MMP26: variants seen among roughly 807,000 people sequenced by gnomAD.
MMP26 encodes matrix metalloproteinase-26.
Under a neutral mutation model 31.0 loss-of-function variants are expected in MMP26, and 33 were observed. That is an observed-to-expected ratio of 1.06 (90% confidence interval 0.81 to 1.42). The LOEUF (loss-of-function observed/expected upper bound fraction) is 1.42, where lower values mean the gene tolerates loss of function less well. Among genes scored for constraint, MMP26 ranks in the 40% most tolerant of loss-of-function variants. MMP26 has a pLI of 0.00. For synonymous variants in MMP26, 122 were observed against 114.9 expected (o/e 1.06, Z -0.40); for missense variants, 347 against 316.1 (o/e 1.10, Z -0.74).
chr11:4,746,870 C>CAT (rs1848388868), intron 1 of MMP26, among the ~76,000 whole-genome samples: 2 of 149,364 alleles, frequency 1.3e-5, no homozygotes, highest in Admixed American at 1.3e-4. Context: ...CACACACACA[C>CAT]ACACACAAAG....
intron 2 of MMP26, among the ~76,000 whole-genome samples, chr11:4,893,812 G>A (rs1287696121): frequency 6.6e-6 from 1 of 151,876 alleles, no homozygotes. Context: ...AGATCTTGTT[G>A]GCACAATGGC....
chr11:4,903,547 T>C (rs536168607), intron 2 of MMP26, among the ~76,000 whole-genome samples: 3 of 152,246 alleles, frequency 2.0e-5, no homozygotes, highest in South Asian at 4.1e-4. Flanking sequence ...CTTCTTCAAC[T>C]TCAAATGTTT....
chr11:4,991,257 C>G, intron 5 of MMP26, 114 bp from the exon 6 acceptor site: 1 of 1,296,496 alleles, frequency 7.7e-7, no homozygotes, highest in Non-Finnish European at 1.0e-6. Context: ...CTCTCACATC[C>G]CCCAGTGGTA....
chr11:4,888,295 T>G (rs569160149), intron 2 of MMP26, among the ~76,000 whole-genome samples: 1 of 152,218 alleles, frequency 6.6e-6, no homozygotes, highest in South Asian at 2.1e-4. Context: ...AGAAAAAATT[T>G]GAGGTAACCA....
chr11:4,710,452 G>C (rs1466593925), intron 1 of MMP26: 1 of 452,570 alleles, frequency 2.2e-6, no homozygotes, highest in East Asian at 7.0e-5. Context: ...ATAATCTACA[G>C]TGTAAAGACC....
chr11:4,949,968 T>C (rs1350133686), intron 2 of MMP26, among the ~76,000 whole-genome samples: 1 of 123,472 alleles, frequency 8.1e-6, no homozygotes, highest in African/African-American at 2.7e-5. Flanking sequence ...TACATTTCAA[T>C]CTTTATGGTA....
At chr11:4,896,964 C>T (rs1017310415) in intron 2 of MMP26, among the ~76,000 whole-genome samples, 2 of 152,024 alleles carry the variant, frequency 1.3e-5, no homozygotes, top group South Asian at 2.1e-4. Context: ...TCTTTTTCCC[C>T]GGTAGTATGT....
intron 1 of MMP26, among the ~76,000 whole-genome samples, chr11:4,732,229 C>T (rs564941309): frequency 6.6e-6 from 1 of 152,230 alleles, no homozygotes; most frequent in African/African-American, 2.4e-5. Context: ...AATGTTATTT[C>T]ATCTTTTGTT....
intron 2 of MMP26, among the ~76,000 whole-genome samples, chr11:4,809,390 T>A (rs10836694): frequency 6.6e-6 from 1 of 151,998 alleles, no homozygotes; most frequent in Non-Finnish European, 1.5e-5. Flanking sequence ...TCACACTGAG[T>A]GGAGCTCAGT....
chr11:4,791,092 T>G (rs1849020381), intron 2 of MMP26, among the ~76,000 whole-genome samples: 1 of 152,230 alleles, frequency 6.6e-6, no homozygotes, highest in Non-Finnish European at 1.5e-5. Flanking sequence ...GAGCACCTAC[T>G]GTGTGCCAAG....
At chr11:4,915,888 G>A in intron 2 of MMP26, 1 of 496,648 alleles carries the variant, frequency 2.0e-6, no homozygotes. Context: ...GCAAAGACAT[G>A]GAATTGTGAA....
intron 2 of MMP26, chr11:4,881,739 C>G (rs190168320): frequency 1.5e-6 from 1 of 672,618 alleles, no homozygotes; most frequent in Non-Finnish European, 2.5e-6. Context: ...CCTAGATATA[C>G]TATTTAACCT....
At chr11:4,733,959 C>A (rs1453188726) in intron 1 of MMP26, among the ~76,000 whole-genome samples, 1 of 152,130 alleles carries the variant, frequency 6.6e-6, no homozygotes, top group Admixed American at 6.6e-5. Flanking sequence ...TTATCCTATT[C>A]ATTGTTCTAC....
At chr11:4,804,246 A>G (rs769043887) in intron 2 of MMP26, 22 of 1,613,778 alleles carry the variant, frequency 1.4e-5, no homozygotes, top group Non-Finnish European at 1.9e-5. Context: ...GGAGAGTGAT[A>G]TTTCCAACAA....
chr11:4,792,214 A>G (rs1849037217), intron 2 of MMP26, among the ~76,000 whole-genome samples: 2 of 152,188 alleles, frequency 1.3e-5, no homozygotes, highest in South Asian at 4.1e-4. Flanking sequence ...TGCTCACACT[A>G]ACACAAACTC....
chr11:4,969,796 A>G (rs1846640954), intron 2 of MMP26, among the ~76,000 whole-genome samples: 1 of 152,144 alleles, frequency 6.6e-6, no homozygotes, highest in Admixed American at 6.5e-5. Flanking sequence ...TTTAATGCTG[A>G]TAACTCAGAA....
chr11:4,792,160 T>C (rs1849035948), intron 2 of MMP26, among the ~76,000 whole-genome samples: 1 of 150,926 alleles, frequency 6.6e-6, no homozygotes, highest in South Asian at 2.1e-4. Flanking sequence ...TAACAGTCTA[T>C]ACTTGAAAAG....
At chr11:4,747,628 A>G (rs1159399224) in intron 1 of MMP26, among the ~76,000 whole-genome samples, 1 of 152,112 alleles carries the variant, frequency 6.6e-6, no homozygotes, top group Non-Finnish European at 1.5e-5. Context: ...AGAGGTCTTT[A>G]TGTTTTATGG....
intron 2 of MMP26, among the ~76,000 whole-genome samples, chr11:4,910,255 T>C (rs1850970102): frequency 6.6e-6 from 1 of 152,060 alleles, no homozygotes; most frequent in African/African-American, 2.4e-5. Flanking sequence ...TCCTGTGACT[T>C]TATTCTATAG....
Sources: allele counts gnomAD v4.1 joint callset (sites outside exome capture counted in the v4.1 genomes callset), GRCh38; gene constraint gnomAD v4.1.1; transcripts MANE v1.5; gene names NCBI Gene and HGNC (gene_info 2026-07-23, HGNC 2026-07-21).